The following GRIK1 variants were observed in gnomAD, a reference collection of about 807,000 sequenced individuals.
GRIK1 encodes the protein glutamate receptor ionotropic, kainate 1.
GRIK1 carries 69 observed loss-of-function variants against 105.7 expected under a neutral mutation model. The ratio of observed to expected loss-of-function variants is 0.65; its 90% CI spans 0.54 to 0.80. The LOEUF (loss-of-function observed/expected upper bound fraction) is 0.80. GRIK1 is among the 30% of genes least tolerant of loss of function. The pLI, the probability that GRIK1 is intolerant of heterozygous loss-of-function variation, is 0.00. For synonymous variants in GRIK1, 438 were observed against 431.3 expected, an observed-to-expected ratio of 1.02 and a Z score of -0.19; for missense variants, 1,109 against 1,167.3, an observed-to-expected ratio of 0.95 and a Z score of 0.73.
chr21:29,788,487 A>G (rs1411023503), intron 1 of GRIK1, among the ~76,000 whole-genome samples: 1 of 152,168 alleles, frequency 6.6e-6, no homozygotes, highest in Admixed American at 6.5e-5. Context: ...GTCAGATCAC[A>G]TGGTGTCTTA....
At chr21:29,645,333 G>A (rs1350494391) in intron 6 of GRIK1, among the ~76,000 whole-genome samples, 1 of 152,180 alleles carries the variant, frequency 6.6e-6, no homozygotes, top group Non-Finnish European at 1.5e-5. Context: ...GACTTGGACT[G>A]TTTCTTATCA....
At chr21:29,580,110 TACATATATACAC>T (rs1261308677) in intron 13 of GRIK1, among the ~76,000 whole-genome samples, 3 of 141,076 alleles carry the variant, frequency 2.1e-5, no homozygotes, top group African/African-American at 8.6e-5. Flanking sequence ...TGTGTATATA[TACATATATACAC>T]ATATACACAC....
chr21:29,902,768 A>G (rs903420082), intron 1 of GRIK1, among the ~76,000 whole-genome samples: 1 of 149,036 alleles, frequency 6.7e-6, no homozygotes, highest in African/African-American at 2.4e-5. Context: ...ACCACTGGAA[A>G]TGGAAAAAAC....
chr21:29,637,562 G>A (rs916562015), intron 7 of GRIK1, among the ~76,000 whole-genome samples: 1 of 152,174 alleles, frequency 6.6e-6, no homozygotes. Flanking sequence ...TGGCACTAGT[G>A]CCCTTATAAA....
intron 16 of GRIK1, among the ~76,000 whole-genome samples, chr21:29,552,215 T>C (rs2090146746): frequency 6.6e-6 from 1 of 152,086 alleles, no homozygotes; most frequent in Admixed American, 6.5e-5. Context: ...TTCAAGGAAG[T>C]GCTTTAGGGG....
chr21:29,861,546 G>C, intron 1 of GRIK1: 1 of 282,666 alleles, frequency 3.5e-6, no homozygotes, highest in Non-Finnish European at 7.0e-6. Context: ...GGACTCAAGC[G>C]ATCTGCCCTC....
chr21:29,929,818 A>G (rs751383593), intron 1 of GRIK1, among the ~76,000 whole-genome samples: 1 of 152,230 alleles, frequency 6.6e-6, no homozygotes, highest in Non-Finnish European at 1.5e-5. Context: ...ACTTCTAGGT[A>G]TATATCCAAG....
At chr21:29,710,621 T>A (rs1481171667) in intron 1 of GRIK1, among the ~76,000 whole-genome samples, 1 of 26,666 alleles carries the variant, frequency 3.8e-5, no homozygotes, top group Non-Finnish European at 1.3e-4. Flanking sequence ...TTTAGACTAT[T>A]ATCTATTTCA....
intron 16 of GRIK1, among the ~76,000 whole-genome samples, chr21:29,545,164 G>A (rs1401995866): frequency 6.6e-6 from 1 of 152,250 alleles, no homozygotes; most frequent in Non-Finnish European, 1.5e-5. Flanking sequence ...ATAAAAGGGA[G>A]CATGAAACAT....
intron 3 of GRIK1, 27 bp from the exon 4 acceptor site, chr21:29,673,191 T>C (rs363513): frequency 0.052 from 77,840 of 1,492,240 alleles, 7,937 homozygotes; most frequent in African/African-American, 0.4. Context: ...AATCATGCAA[T>C]GGAGACTGTT....
At chr21:29,856,544 C>T (rs573337322) in intron 1 of GRIK1, among the ~76,000 whole-genome samples, 2 of 152,204 alleles carry the variant, frequency 1.3e-5, no homozygotes, top group South Asian at 4.1e-4. Context: ...AACTGAAAAT[C>T]GTTCACACAT....
chr21:29,577,039 CG>C lies in GRIK1; in HGVS notation c.2054del (p.Ser685TrpfsTer11), dbSNP rs765016417. Reference sequence around the variant, plus strand: ...TGGTTTGCTTTGCCAGATCATCTGCCGAATCTATGGGGGATTCCATTCTCTC... The same window carrying C: ...TGGTTTGCTTTGCCAGATCATCTGCCAATCTATGGGGGATTCCATTCTCTC... ...TVERMESPID[S>X]ADDLAKQTKI... On this transcript the variant is annotated frameshift_variant, in exon 14 of 18. Transcript: ENST00000327783. LOFTEE classifies it high-confidence loss of function. The C allele has an allele frequency of 6.2e-7, 1 of 1,613,616 alleles. No homozygotes were observed. Among genetic ancestry groups the C allele is most frequent in the Non-Finnish European group, 8.5e-7 (1 of 1,179,640 alleles).
intron 1 of GRIK1, among the ~76,000 whole-genome samples, chr21:29,767,864 A>ATATG (rs2065712357): frequency 6.8e-6 from 1 of 147,224 alleles, no homozygotes; most frequent in East Asian, 2.0e-4. Context: ...GCTGAAATTC[A>ATATG]TGTGTGTGTG....
chr21:29,801,051 A>G (rs1283152687), intron 1 of GRIK1, among the ~76,000 whole-genome samples: 1 of 152,096 alleles, frequency 6.6e-6, no homozygotes, highest in East Asian at 1.9e-4. Context: ...TAATGCTCTC[A>G]TTTTACAAGT....
At chr21:29,644,976 AAC>A (rs1211588473) in intron 6 of GRIK1, among the ~76,000 whole-genome samples, 1 of 152,228 alleles carries the variant, frequency 6.6e-6, no homozygotes, top group African/African-American at 2.4e-5. Flanking sequence ...GCAATATTCA[AAC>A]CCACAAAGTT....
intron 4 of GRIK1, among the ~76,000 whole-genome samples, chr21:29,672,260 T>G (rs1258682769): frequency 6.6e-6 from 1 of 152,114 alleles, no homozygotes; most frequent in Non-Finnish European, 1.5e-5. Context: ...TTTCTCCATG[T>G]TGGTCAGGCT....
At chr21:29,602,032 TC>T in intron 7 of GRIK1, among the ~76,000 whole-genome samples, 1 of 152,260 alleles carries the variant, frequency 6.6e-6, no homozygotes, top group African/African-American at 2.4e-5. Context: ...TAGCGAAATA[TC>T]TTTGATTGGG....
intron 1 of GRIK1, among the ~76,000 whole-genome samples, chr21:29,752,629 C>T (rs1162947710): frequency 6.6e-6 from 1 of 151,882 alleles, no homozygotes; most frequent in Non-Finnish European, 1.5e-5. Context: ...AGTTTGAGAC[C>T]AGCCTGAGTA....
intron 1 of GRIK1, among the ~76,000 whole-genome samples, chr21:29,732,575 T>C (rs911362886): frequency 1.2e-4 from 19 of 152,192 alleles, no homozygotes; most frequent in African/African-American, 4.6e-4. Flanking sequence ...TTTTAAGTTG[T>C]TAAATGTTAA....
Sources: gnomAD v4.1 joint callset for allele counts (sites outside exome capture counted in the v4.1 genomes callset) on GRCh38, gnomAD v4.1.1 for gene constraint, MANE v1.5 for transcripts, NCBI Gene and HGNC (gene_info 2026-07-23, HGNC 2026-07-21) for gene names.